The following TSPOAP1 variants were observed in gnomAD, a reference collection of about 807,000 sequenced individuals.
TSPOAP1 encodes the protein peripheral-type benzodiazepine receptor-associated protein 1.
Under a neutral mutation model 197.0 loss-of-function variants are expected in TSPOAP1, and 87 were observed. That is an observed-to-expected ratio of 0.44 (90% CI 0.37 to 0.53). The LOEUF (loss-of-function observed/expected upper bound fraction) is 0.53. Among genes scored for constraint, TSPOAP1 ranks in the 20% least tolerant of loss-of-function variants. The probability of loss-of-function intolerance (pLI) is 0.00; values close to 1 mark genes in which losing one functional copy is unlikely to be tolerated. For missense variants in TSPOAP1, 2,174 were observed against 2,411.3 expected (o/e 0.90, Z 2.06); for synonymous variants, 913 against 998.9 (o/e 0.91, Z 1.62).
In TSPOAP1 at chr17:58,325,604, T is replaced by G; in HGVS notation, c.680A>C (p.Lys227Thr). ...LSETASALLA[K>T]DKQIAALQRE... ...CTGCAAGGCAGCAATCTGCTTGTCC[T>G]TGGCCAGCAGTGCACTGGCTGTCTC... Residue 227 changes from lysine (K) to threonine (T), a missense_variant, in exon 4 of 32, where the codon AAG becomes ACG. By Grantham distance (78) the Lys-to-Thr change is moderately conservative. Transcript: ENST00000343736. The G allele has an allele frequency of 6.2e-7, 1 of 1,613,636 alleles. No individual in the cohort carries two copies. Among genetic ancestry groups the G allele is most frequent in the Non-Finnish European group, 8.5e-7 (1 of 1,180,022 alleles).
At position 58,324,764 on chromosome 17, in the gene TSPOAP1, C is replaced by A. The variant is rs1335244545; in HGVS notation, c.942+47G>T. The A allele has an allele frequency of 2.3e-6, 3 of 1,318,852 alleles. No homozygotes were observed. The highest frequency in any genetic ancestry group is 1.9e-5 in the South Asian group (1 of 53,774). The allele number at this position is 1,318,852 out of a possible 1,614,324, so 81.7% of individuals were successfully genotyped here. ...GGGAGATCCCGGTGGTCGTTCCCCC[C>A]ACCCATCTGCACGCACCCACACACC... On this transcript the variant is annotated intron_variant, in intron 5 of 31. Transcript: ENST00000343736. This position sits in a 1 kb window ranked among gnomAD's most constrained non-coding sequence, Gnocchi z 5.8.
At chr17:58,325,495 A>G (rs1005743231) in intron 4 of TSPOAP1, 39 bp downstream of exon 4, 4 of 1,609,292 alleles carry the variant, frequency 2.5e-6, no homozygotes, top group Admixed American at 3.3e-5. Flanking sequence ...GGCCCTGTGC[A>G]GGGCTGAGCT....
rs199646258 is a variant in TSPOAP1 at position 58,305,528 on chromosome 17, G to C, written c.5361+12C>G. 28 of 1,610,630 alleles carry C rather than the reference G, an allele frequency of 1.7e-5. No homozygotes were observed. Among genetic ancestry groups the C allele is most frequent in the Non-Finnish European group, 2.2e-5 (26 of 1,178,006 alleles). ...CACCGCCCTTTGCTGGGCTCTATCT[G>C]AGGGTCCTCACCTCCACGTCCATAT... On this transcript the variant is annotated intron_variant, in intron 28 of 31. Coordinates refer to ENST00000343736, the MANE Select transcript of TSPOAP1 (RefSeq NM_004758.4).
intron 4 of TSPOAP1, 34 bp from the exon 5 acceptor site, chr17:58,325,036 C>T: frequency 6.7e-7 from 1 of 1,482,396 alleles, no homozygotes; most frequent in Non-Finnish European, 9.0e-7. Flanking sequence ...GGAGGGGACT[C>T]AGGCCTAATC....
chr17:58,320,574 G>A lies in TSPOAP1; in HGVS notation c.1430C>T (p.Ala477Val). 6.8e-7 allele frequency: 1 copy of A among 1,465,988 alleles called. No homozygotes were observed. The allele number at this position is 1,465,988 out of a possible 1,614,324, so 90.8% of individuals were successfully genotyped here. The change falls in exon 11 of 32, where the codon GCT becomes GTT. Residue 477 changes from alanine to valine, a missense_variant. Around this residue, in one of 5 missense-constraint regions of TSPOAP1, gnomAD observed 1,933 missense variants for 2,139.0 expected, o/e 0.90. Transcript: ENST00000343736. ...TCCTTCATGTTCCCTCTGGGCTTCA[G>A]CCTGGGCCTACAGGTGGGGGGAACC... ...EEVRRLQQAQ[A>V]EAQREHEGAV...
intron 5 of TSPOAP1, among the ~76,000 whole-genome samples, chr17:58,323,808 G>A (rs1180986668): frequency 2.0e-5 from 3 of 152,226 alleles, no homozygotes; most frequent in Non-Finnish European, 2.9e-5. Context: ...CCTGGGAGAT[G>A]GGTCCTTTAT....
In TSPOAP1 at chr17:58,312,049, G is replaced by C; in HGVS notation, c.2772C>G (p.Ser924Arg). 4.3e-6 allele frequency: 7 copies of C among 1,613,544 alleles called. No individual in the cohort carries two copies. Among genetic ancestry groups the C allele is most frequent in the Non-Finnish European group, 5.9e-6 (7 of 1,179,952 alleles). ...AGAAGGTGGCCCAGTAGGTACTGGG[G>C]CTGGCAGGTGGGCACTCTTCCCCAT... ...YLNGEECPPA[S>R]PSTYWATFCH... Residue 924 changes from serine to arginine, a missense_variant, in exon 17 of 32, where the codon AGC becomes AGG. Physicochemically the swap from Ser to Arg is moderately radical, Grantham distance 110. Transcript: ENST00000343736.
intron 25 of TSPOAP1, 141 bp downstream of exon 25, chr17:58,306,659 G>A (rs954436455): frequency 1.9e-5 from 21 of 1,119,308 alleles, no homozygotes; most frequent in South Asian, 4.8e-5. Context: ...TGACCACTAC[G>A]CAGCAGGGTT....
Position 58,306,926 on chromosome 17 carries a change from C to A in TSPOAP1, c.5026G>T (p.Gly1676Cys), listed in dbSNP as rs1970915510. The A allele has an allele frequency of 6.2e-7, 1 of 1,613,204 alleles. No homozygotes were observed. Among genetic ancestry groups the A allele is most frequent in the Admixed American group, 1.7e-5 (1 of 59,996 alleles). ...GGAATGTAGCCTGTCCGGCCCCCAC[C>A]TTCGCCCTGGTAGAAGCCATCGGCA... ...KDADGFYQGE[G>C]GGRTGYIPCN... Residue 1676 changes from glycine to cysteine, a missense_variant, in exon 25 of 32, where the codon GGT becomes TGT. This residue lies in a region of TSPOAP1 where 16 missense variants were observed against 38.8 expected (regional missense o/e 0.41). Coordinates refer to ENST00000343736, the MANE Select transcript of TSPOAP1 (RefSeq NM_004758.4).
chr17:58,306,851 G>A lies in TSPOAP1; in HGVS notation c.5101C>T (p.Gln1701Ter). 6.2e-7 allele frequency: 1 copy of A among 1,613,772 alleles called. No individual in the cohort carries two copies. Among genetic ancestry groups the A allele is most frequent in the Non-Finnish European group, 8.5e-7 (1 of 1,179,982 alleles). ...VAVDSPAGRQ[Q>*]LLQRGYLSPD... ...GACAAATAACCCCGCTGGAGCAGTTGCTGTCTCCCAGCAGGGCTGTCCACA... is the reference window on the plus strand; with the variant it reads ...GACAAATAACCCCGCTGGAGCAGTTACTGTCTCCCAGCAGGGCTGTCCACA... Residue 1701 changes from glutamine (Q) to a stop codon, truncating the protein, a stop_gained, in exon 25 of 32, where the codon CAA becomes TAA. Transcript: ENST00000343736. LOFTEE classifies it high-confidence loss of function.
intron 26 of TSPOAP1, 134 bp from the exon 27 acceptor site, chr17:58,305,999 C>T: frequency 3.1e-6 from 3 of 969,528 alleles, no homozygotes; most frequent in Non-Finnish European, 4.6e-6. Context: ...ATCTCCCCAA[C>T]CCTTTTGTGT....
At chr17:58,321,726 G>A (rs1310631098) in intron 10 of TSPOAP1, among the ~76,000 whole-genome samples, 3 of 152,108 alleles carry the variant, frequency 2.0e-5, no homozygotes, top group Admixed American at 6.5e-5. Context: ...CCTGCTCCAC[G>A]CCTGCTCCCA....
At position 58,326,710 on chromosome 17, in the gene TSPOAP1, G is replaced by A; in HGVS notation, c.414C>T (p.Ala138=). 2 of 1,614,100 alleles carry A rather than the reference G, an allele frequency of 1.2e-6. No homozygotes were observed. The highest frequency in any genetic ancestry group is 1.7e-6 in the Non-Finnish European group (2 of 1,180,026). ...RALGELRQRC[A]ILKEENQMLR... ...GCATCTGGTTTTCCTCCTTAAGGATGGCACAGCGCTGCCGCAGCTCCCCCA... is the reference window on the plus strand; with the variant it reads ...GCATCTGGTTTTCCTCCTTAAGGATAGCACAGCGCTGCCGCAGCTCCCCCA... Residue 138 remains alanine (A), a synonymous_variant, in exon 2 of 32, where the codon GCC becomes GCT. Transcript: ENST00000343736. This position sits in a 1 kb window ranked among gnomAD's most constrained non-coding sequence, Gnocchi z 4.7.
At position 58,309,419 on chromosome 17, in the gene TSPOAP1, G is replaced by A. The variant is rs988673698; in HGVS notation, c.3892-39C>T. The A allele has an allele frequency of 1.9e-6, 3 of 1,564,830 alleles. No homozygotes were observed. The highest frequency in any genetic ancestry group is 1.2e-5 in the South Asian group (1 of 85,766). On this transcript the variant is annotated intron_variant, in intron 21 of 31. Transcript: ENST00000343736. This position sits in a 1 kb window ranked among gnomAD's most constrained non-coding sequence, Gnocchi z 5.0. ...GGAGGTGGGAGTAGAACACAGCAGG[G>A]AAGAGAGATGCGTGGGGAAGAGGAG...
chr17:58,324,262 C>A lies in TSPOAP1; in HGVS notation c.942+549G>T, dbSNP rs575426458. 2.3e-4 allele frequency among the ~76,000 whole-genome samples: 35 copies of A among 152,290 alleles called. No individual in the cohort carries two copies. In the South Asian group the frequency reaches 6.9e-3, roughly 30 times the overall value. On this transcript the variant is annotated intron_variant, in intron 5 of 31. Coordinates refer to ENST00000343736, the MANE Select transcript of TSPOAP1 (RefSeq NM_004758.4). This position sits in a 1 kb window ranked among gnomAD's most constrained non-coding sequence, Gnocchi z 5.8. The stretch of plus-strand genomic sequence containing the variant: ...ACTTGCTGCCTACCTAGGATGATGG[C>A]GAGAAGCCAGACCCTTAAGTTCTGG...
Position 58,327,703 on chromosome 17 carries a change from C to G in TSPOAP1, c.218G>C (p.Gly73Ala), listed in dbSNP as rs1434324705. The change falls in exon 1 of 32, where the codon GGG becomes GCG. Residue 73 changes from glycine to alanine, a missense_variant. Around this residue, in one of 5 missense-constraint regions of TSPOAP1, gnomAD observed 1,933 missense variants for 2,139.0 expected, o/e 0.90. Transcript: ENST00000343736. ...CTCTGCTCCTTCAGGGTCAGTTCCC[C>G]CCACGGGCCTGGAGCTCCCGTCTCC... Reference protein sequence around the residue: ...PKGDGSSRPVGGTDPEGAEAC... With the variant: ...PKGDGSSRPVAGTDPEGAEAC... The G allele has an allele frequency of 2.5e-6, 4 of 1,614,114 alleles. No homozygotes were observed. The highest frequency in any genetic ancestry group is 1.6e-4 in the Middle Eastern group (1 of 6,062).
Position 58,312,023 on chromosome 17 carries a change from C to A in TSPOAP1, c.2798G>T (p.Cys933Phe). The A allele has an allele frequency of 6.2e-7, 1 of 1,613,510 alleles. No homozygotes were observed. The highest frequency in any genetic ancestry group is 8.5e-7 in the Non-Finnish European group (1 of 1,179,920). Residue 933 changes from cysteine to phenylalanine, a missense_variant, in exon 17 of 32, where the codon TGC (cysteine) becomes TTC (phenylalanine). This residue lies in a region of TSPOAP1 where 1,933 missense variants were observed against 2,139.0 expected (regional missense o/e 0.90). Transcript: ENST00000343736. Reference protein sequence around the residue: ...ASPSTYWATFCHLRPGTPYQA... With the variant: ...ASPSTYWATFFHLRPGTPYQA... The stretch of plus-strand genomic sequence containing the variant: ...ATAGGGTGTGCCAGGCCGTAAGTGG[C>A]AGAAGGTGGCCCAGTAGGTACTGGG...
rs1009157006 is a variant in TSPOAP1, at chr17:58,309,520, G to A, written c.3892-140C>T. On this transcript the variant is annotated intron_variant, in intron 21 of 31. Coordinates refer to ENST00000343736, the MANE Select transcript of TSPOAP1 (RefSeq NM_004758.4). The surrounding 1 kb of genome is among the most constrained non-coding windows in gnomAD (Gnocchi z 5.0). Reference sequence around the variant, plus strand: ...CCACAGCCCTCCCACGGCTTCCTCCGAGAGGAGAGAACCAGAGGGACGGTG... The same window carrying A: ...CCACAGCCCTCCCACGGCTTCCTCCAAGAGGAGAGAACCAGAGGGACGGTG... The A allele has an allele frequency of 1.8e-5, 22 of 1,225,734 alleles. No homozygotes were observed. Among genetic ancestry groups the A allele is most frequent in the African/African-American group, 3.1e-5 (2 of 65,452 alleles). 75.9% of individuals were successfully genotyped at this position (1,225,734 alleles called of 1,614,324 possible). A position where few individuals can be genotyped will look rare whatever the true frequency, so the allele number is the denominator to read the frequency against.
At chr17:58,306,258 TGA>T in intron 26 of TSPOAP1, 82 bp downstream of exon 26, 1 of 1,344,848 alleles carries the variant, frequency 7.4e-7, no homozygotes, top group Non-Finnish European at 1.0e-6. Context: ...TCCCAGCACC[TGA>T]GAGAAAACAG....
Sources: gnomAD v4.1 joint callset for allele counts (sites outside exome capture counted in the v4.1 genomes callset) on GRCh38, gnomAD v4.1.1 for gene constraint, gnomAD v4.1.1 regional missense constraint, Gnocchi (gnomAD v3.1) non-coding constraint, MANE v1.5 for transcripts, NCBI Gene and HGNC (gene_info 2026-07-23, HGNC 2026-07-21) for gene names.